The following MCMBP variants were observed in gnomAD, a reference collection of about 807,000 sequenced individuals.
MCMBP encodes minichromosome maintenance complex binding protein.
In MCMBP, 31 loss-of-function variants were observed where a neutral mutation model predicts 81.3. The ratio of observed to expected loss-of-function variants is 0.38; its 90% CI spans 0.29 to 0.51. MCMBP has a LOEUF of 0.51. Among genes scored for constraint, MCMBP ranks in the 20% least tolerant of loss-of-function variants. The probability of loss-of-function intolerance (pLI) is 0.87; values close to 1 mark genes in which losing one functional copy is unlikely to be tolerated. For synonymous variants in MCMBP, 267 were observed against 275.9 expected (o/e 0.97, Z 0.32); for missense variants, 645 against 772.1 (o/e 0.84, Z 1.95).
chr10:119,834,027 GA>G (rs1220066741), intron 14 of MCMBP, among the ~76,000 whole-genome samples: 2 of 152,068 alleles, frequency 1.3e-5, no homozygotes, highest in African/African-American at 4.8e-5. Context: ...AGTTCACTGA[GA>G]TTAGTCTAAG....
At position 119,832,068 on chromosome 10, in the gene MCMBP, C is replaced by T. The variant is rs780816598; in HGVS notation, c.1740G>A (p.Lys580=). Residue 580 remains lysine, a synonymous_variant, in exon 15 of 16, where the codon AAG becomes AAA. Coordinates refer to ENST00000369077, the MANE Select transcript of MCMBP (RefSeq NM_001256378.2). The part of the protein sequence containing the change: ...AVEDDFVEMR[K]NDPQSITADD... Reference sequence around the variant, plus strand: ...CAGCAGTGATGCTCTGAGGGTCGTTCTTCCGCATTTCCACAAAGTCATCTT... The same window carrying T: ...CAGCAGTGATGCTCTGAGGGTCGTTTTTCCGCATTTCCACAAAGTCATCTT... 9 of 1,613,238 alleles carry T rather than the reference C, an allele frequency of 5.6e-6. No individual in the cohort carries two copies. Among genetic ancestry groups the T allele is most frequent in the Non-Finnish European group, 7.6e-6 (9 of 1,179,780 alleles).
At chr10:119,869,252 A>G (rs1564889861) in intron 1 of MCMBP, among the ~76,000 whole-genome samples, 1 of 151,790 alleles carries the variant, frequency 6.6e-6, no homozygotes, top group Non-Finnish European at 1.5e-5. Context: ...CCTTGCTAAC[A>G]TGGTGAAATC....
intron 1 of MCMBP, among the ~76,000 whole-genome samples, chr10:119,864,368 T>C (rs557857389): frequency 1.3e-5 from 2 of 152,402 alleles, no homozygotes; most frequent in South Asian, 4.1e-4. Flanking sequence ...CAGTGGTTTT[T>C]GAGGAACTGG....
intron 4 of MCMBP, 127 bp downstream of exon 4, chr10:119,858,757 G>A: frequency 4.9e-5 from 37 of 752,884 alleles, no homozygotes; most frequent in Middle Eastern, 4.0e-4. Flanking sequence ...ACCAAATAAG[G>A]AAAACATTTC....
At chr10:119,841,754 G>C (rs1205136186) in intron 10 of MCMBP, among the ~76,000 whole-genome samples, 1 of 152,240 alleles carries the variant, frequency 6.6e-6, no homozygotes, top group African/African-American at 2.4e-5. Flanking sequence ...GTTTTAAAAT[G>C]AGAAACAAAG....
At chr10:119,854,473 C>T (rs1346431889) in intron 5 of MCMBP, among the ~76,000 whole-genome samples, 10 of 150,426 alleles carry the variant, frequency 6.6e-5, no homozygotes, top group African/African-American at 4.9e-5. Flanking sequence ...GAGGCTGAGG[C>T]GGGTAGATCA....
chr10:119,857,669 T>A (rs578237859), intron 4 of MCMBP: 3 of 311,620 alleles, frequency 9.6e-6, no homozygotes, highest in South Asian at 8.8e-5. Flanking sequence ...ATGGGACCTC[T>A]GGAGTGACTT....
intron 5 of MCMBP, among the ~76,000 whole-genome samples, chr10:119,855,886 G>A (rs1004460951): frequency 2.6e-5 from 4 of 152,120 alleles, no homozygotes; most frequent in Non-Finnish European, 5.9e-5. Context: ...GGGTTTAAAT[G>A]ACTTCAAAAC....
At chr10:119,837,943 A>G (rs1301985932) in intron 12 of MCMBP, among the ~76,000 whole-genome samples, 2 of 152,108 alleles carry the variant, frequency 1.3e-5, no homozygotes, top group African/African-American at 4.8e-5. Context: ...AGGCCAAGGC[A>G]GGAGGATCAC....
intron 5 of MCMBP, among the ~76,000 whole-genome samples, chr10:119,855,821 C>A (rs1293055678): frequency 6.6e-6 from 1 of 152,150 alleles, no homozygotes; most frequent in African/African-American, 2.4e-5. Flanking sequence ...AGATATCCCA[C>A]AGACATTAAA....
chr10:119,846,099 A>G (rs1417113390), intron 8 of MCMBP, among the ~76,000 whole-genome samples: 1 of 152,214 alleles, frequency 6.6e-6, no homozygotes, highest in Admixed American at 6.5e-5. Context: ...TCCAGTACCA[A>G]CGAGCACATC....
intron 1 of MCMBP, among the ~76,000 whole-genome samples, chr10:119,871,480 C>T (rs1204802910): frequency 6.6e-6 from 1 of 152,058 alleles, no homozygotes; most frequent in Non-Finnish European, 1.5e-5. Flanking sequence ...AGCCAGGTAA[C>T]TAAACTAATT....
intron 1 of MCMBP, among the ~76,000 whole-genome samples, chr10:119,871,426 T>C (rs1853668097): frequency 6.6e-6 from 1 of 152,146 alleles, no homozygotes; most frequent in African/African-American, 2.4e-5. Flanking sequence ...CGGACGTCTA[T>C]CCAGGCTTTT....
At chr10:119,838,381 T>C (rs1852324879) in intron 12 of MCMBP, among the ~76,000 whole-genome samples, 154 bp downstream of exon 12, 2 of 151,778 alleles carry the variant, frequency 1.3e-5, no homozygotes. Flanking sequence ...ATAATTAGTT[T>C]ATAACATATG....
intron 10 of MCMBP, 55 bp from the exon 11 acceptor site, chr10:119,841,015 T>A: frequency 9.8e-7 from 1 of 1,023,052 alleles, no homozygotes; most frequent in East Asian, 2.4e-5. Context: ...CTGATTTCTA[T>A]CAAATAGCGA....
At position 119,835,720 on chromosome 10, in the gene MCMBP, G is replaced by A; in HGVS notation, c.1543-16C>T. On this transcript the variant is annotated splice_polypyrimidine_tract_variant and intron_variant, in intron 13 of 15. Transcript: ENST00000369077. The stretch of plus-strand genomic sequence containing the variant: ...GGCAGTCTGCCTGAAAAGAGAAGGA[G>A]TACACTGTATTTTCTGAGTTCCTAA... 1 of 1,613,176 alleles carries A rather than the reference G, an allele frequency of 6.2e-7. No individual in the cohort carries two copies. Among genetic ancestry groups the A allele is most frequent in the Non-Finnish European group, 8.5e-7 (1 of 1,179,624 alleles).
intron 5 of MCMBP, among the ~76,000 whole-genome samples, chr10:119,856,651 A>C (rs1853056215): frequency 6.6e-6 from 1 of 152,198 alleles, no homozygotes; most frequent in East Asian, 1.9e-4. Context: ...CATTACCTTA[A>C]AATCTGTGCA....
chr10:119,838,606 A>C lies in MCMBP; in HGVS notation c.1337T>G (p.Leu446Arg). 1 of 1,614,164 alleles carries C rather than the reference A, an allele frequency of 6.2e-7. No homozygotes were observed. The highest frequency in any genetic ancestry group is 8.5e-7 in the Non-Finnish European group (1 of 1,179,996). Residue 446 changes from leucine (L) to arginine (R), a missense_variant, in exon 12 of 16, where the codon CTC (leucine) becomes CGC (arginine). Leu to Arg is a moderately radical substitution (Grantham distance 102, BLOSUM62 -2). Transcript: ENST00000369077. The part of the protein sequence containing the change: ...YTANRLVSGL[L>R]QLPSNTSLVI... ...AAGGGAAGTATTGCTGGGCAGCTGG[A>C]GGAGCCCACTGACCAAGCGATTGGC...
At chr10:119,844,566 T>C (rs1005867123) in intron 8 of MCMBP, among the ~76,000 whole-genome samples, 1 of 152,208 alleles carries the variant, frequency 6.6e-6, no homozygotes. Flanking sequence ...GTCTGTGCTC[T>C]TAACCTCTGT....
Sources: allele counts gnomAD v4.1 joint callset (sites outside exome capture counted in the v4.1 genomes callset), GRCh38; gene constraint gnomAD v4.1.1; transcripts MANE v1.5; gene names NCBI Gene and HGNC (gene_info 2026-07-23, HGNC 2026-07-21).